Variants in FHIT observed in about 807,000 individuals in gnomAD.
The protein encoded by FHIT is fragile histidine triad diadenosine triphosphatase.
In FHIT, 19 loss-of-function variants were observed where a neutral mutation model predicts 17.9. That is an observed-to-expected ratio of 1.06 (90% CI 0.74 to 1.56). FHIT has a LOEUF of 1.56. Ranked by LOEUF, FHIT falls within the 40% of genes most tolerant of loss-of-function variation. The pLI, the probability that FHIT is intolerant of heterozygous loss-of-function variation, is 0.00. For synonymous variants in FHIT, 81 were observed against 69.7 expected, an observed-to-expected ratio of 1.16 and a Z score of -0.81; for missense variants, 248 against 189.2, an observed-to-expected ratio of 1.31 and a Z score of -1.82.
At chr3:60,182,167 ACTAGAGGTTG>A (rs1228670314) in intron 5 of FHIT, among the ~76,000 whole-genome samples, 2 of 152,164 alleles carry the variant, frequency 1.3e-5, no homozygotes, top group Admixed American at 1.3e-4. Flanking sequence ...AATGAAGGCA[ACTAGAGGTTG>A]CTTTCCTCCC....
intron 4 of FHIT, among the ~76,000 whole-genome samples, chr3:60,657,592 T>C (rs1473344107): frequency 6.6e-6 from 1 of 152,188 alleles, no homozygotes; most frequent in Non-Finnish European, 1.5e-5. Context: ...GTGAAAGTAC[T>C]GCTATTGACC....
intron 4 of FHIT, among the ~76,000 whole-genome samples, chr3:60,672,608 A>T (rs1264996583): frequency 2.0e-5 from 3 of 152,208 alleles, no homozygotes; most frequent in African/African-American, 7.2e-5. Flanking sequence ...TATACGTGCA[A>T]GTCACAGGGG....
intron 5 of FHIT, among the ~76,000 whole-genome samples, chr3:60,120,064 T>A (rs9877256): frequency 0.29 from 43,908 of 152,076 alleles, 6,726 homozygotes; most frequent in Non-Finnish European, 0.34. Flanking sequence ...TTTCTAATAG[T>A]TTAAACTTTC....
At chr3:60,626,279 G>A (rs930767483) in intron 4 of FHIT, among the ~76,000 whole-genome samples, 1 of 152,106 alleles carries the variant, frequency 6.6e-6, no homozygotes, top group Non-Finnish European at 1.5e-5. Context: ...GATTTTGATA[G>A]GAGTTGCATT....
intron 8 of FHIT, among the ~76,000 whole-genome samples, chr3:59,863,753 G>C (rs1231888193): frequency 6.6e-6 from 1 of 152,208 alleles, no homozygotes; most frequent in Non-Finnish European, 1.5e-5. Context: ...ATAAAAAAAG[G>C]TGCTCCTTCT....
chr3:60,404,412 A>G (rs1701772574), intron 5 of FHIT, among the ~76,000 whole-genome samples: 1 of 152,188 alleles, frequency 6.6e-6, no homozygotes, highest in African/African-American at 2.4e-5. Context: ...TGTACTACTC[A>G]GTTGTCTCGG....
chr3:60,218,741 C>T (rs1329536964), intron 5 of FHIT, among the ~76,000 whole-genome samples: 1 of 152,004 alleles, frequency 6.6e-6, no homozygotes, highest in East Asian at 1.9e-4. Flanking sequence ...TAGAAATCAG[C>T]CTTAGTTACT....
chr3:60,880,506 G>A (rs893753669), intron 3 of FHIT, among the ~76,000 whole-genome samples: 1 of 152,348 alleles, frequency 6.6e-6, no homozygotes, highest in East Asian at 1.9e-4. Flanking sequence ...TCCAAGGTGG[G>A]CAGATCACCT....
At chr3:60,056,856 T>C (rs1304123207) in intron 5 of FHIT, among the ~76,000 whole-genome samples, 1 of 152,204 alleles carries the variant, frequency 6.6e-6, no homozygotes, top group East Asian at 1.9e-4. Flanking sequence ...ATGTTTTCCT[T>C]CCTTTCATGA....
chr3:60,449,655 G>A (rs1300732688), intron 5 of FHIT, among the ~76,000 whole-genome samples: 3 of 151,978 alleles, frequency 2.0e-5, no homozygotes, highest in African/African-American at 4.8e-5. Flanking sequence ...GTAGGTAATT[G>A]TAACACACTG....
At chr3:60,690,449 T>C (rs1403716615) in intron 4 of FHIT, 5 of 577,984 alleles carry the variant, frequency 8.7e-6, no homozygotes, top group South Asian at 1.4e-5. Flanking sequence ...CCTGTATGCT[T>C]CAGGATGAAG....
At chr3:60,922,261 T>C (rs1707325036) in intron 3 of FHIT, among the ~76,000 whole-genome samples, 1 of 152,198 alleles carries the variant, frequency 6.6e-6, no homozygotes, top group Admixed American at 6.5e-5. Context: ...ATTTGCTGGA[T>C]AAATTGGCCT....
intron 2 of FHIT, among the ~76,000 whole-genome samples, chr3:61,158,408 C>A (rs9816087): frequency 0.43 from 65,391 of 151,946 alleles, 15,016 homozygotes; most frequent in East Asian, 0.86. Flanking sequence ...AACCGCAGGC[C>A]ACCAGAAGCA....
chr3:60,105,770 G>A (rs1440533481), intron 5 of FHIT, among the ~76,000 whole-genome samples: 1 of 151,954 alleles, frequency 6.6e-6, no homozygotes, highest in Non-Finnish European at 1.5e-5. Context: ...TTAGTTGAAA[G>A]CCCATCATGA....
At chr3:60,517,820 G>C (rs7349556) in intron 5 of FHIT, among the ~76,000 whole-genome samples, 6 of 152,146 alleles carry the variant, frequency 3.9e-5, no homozygotes, top group African/African-American at 1.4e-4. Context: ...GACCAACTTA[G>C]GAGTTCTGTA....
chr3:59,765,790 A>G (rs1701765893), intron 8 of FHIT, among the ~76,000 whole-genome samples: 1 of 152,244 alleles, frequency 6.6e-6, no homozygotes, highest in Non-Finnish European at 1.5e-5. Flanking sequence ...ATGTTCAAAG[A>G]AACTCTGATT....
At chr3:59,866,070 T>A (rs982882811) in intron 8 of FHIT, among the ~76,000 whole-genome samples, 6 of 152,146 alleles carry the variant, frequency 3.9e-5, no homozygotes, top group African/African-American at 1.4e-4. Flanking sequence ...AACCCCTGAA[T>A]AAATGAGCAC....
chr3:60,516,013 T>G (rs972632512), intron 5 of FHIT, among the ~76,000 whole-genome samples: 2 of 152,062 alleles, frequency 1.3e-5, no homozygotes, highest in South Asian at 4.1e-4. Context: ...CAAGTTGATA[T>G]AGTGGGGAAG....
chr3:60,368,622 C>G (rs1238251025), intron 5 of FHIT, among the ~76,000 whole-genome samples: 2 of 151,980 alleles, frequency 1.3e-5, no homozygotes, highest in South Asian at 4.2e-4. Context: ...TGTAGCTTGC[C>G]TTTTTATTTT....
Sources: gnomAD v4.1 joint callset for allele counts (sites outside exome capture counted in the v4.1 genomes callset) on GRCh38, gnomAD v4.1.1 for gene constraint, MANE v1.5 for transcripts, NCBI Gene and HGNC (gene_info 2026-07-23, HGNC 2026-07-21) for gene names.